Variants in TXNDC9 observed in about 807,000 individuals in gnomAD.
TXNDC9 encodes thioredoxin domain-containing protein 9.
Under a neutral mutation model 23.0 loss-of-function variants are expected in TXNDC9, and 7 were observed. The ratio of observed to expected loss-of-function variants is 0.30; its 90% confidence interval spans 0.17 to 0.57. The LOEUF (loss-of-function observed/expected upper bound fraction) is 0.57. Ranked by LOEUF, TXNDC9 falls within the 20% of genes least tolerant of loss-of-function variation. The probability of loss-of-function intolerance (pLI) is 0.90; values close to 1 mark genes in which losing one functional copy is unlikely to be tolerated. For missense variants in TXNDC9, 198 were observed against 252.6 expected, an observed-to-expected ratio of 0.78 and a Z score of 1.47; for synonymous variants, 72 against 90.6, an observed-to-expected ratio of 0.79 and a Z score of 1.17.
downstream of TXNDC9, among the ~76,000 whole-genome samples, chr2:99,315,578 C>A (rs12619366): frequency 6.6e-6 from 1 of 152,172 alleles, no homozygotes; most frequent in Non-Finnish European, 1.5e-5. Context: ...ATCAACAAGG[C>A]TTTGTGTAAC....
At chr2:99,315,894 G>C (rs148188111), downstream of TXNDC9, among the ~76,000 whole-genome samples, 288 of 152,188 alleles carry the variant, frequency 1.9e-3, 3 homozygotes, top group African/African-American at 6.6e-3. Flanking sequence ...ATCCGAGTGA[G>C]TACTCCAAAT....
At chr2:99,312,574 G>A in the TXNDC9 span, among the ~76,000 whole-genome samples, 1 of 151,696 alleles carries the variant, frequency 6.6e-6, no homozygotes, top group Middle Eastern at 3.4e-3. Context: ...TAATTAGAGA[G>A]GTGGCACTAC....
chr2:99,311,182 C>T, the TXNDC9 span, among the ~76,000 whole-genome samples: 1 of 152,216 alleles, frequency 6.6e-6, no homozygotes, highest in African/African-American at 2.4e-5. Flanking sequence ...TGTGCCACCA[C>T]ACTGGGCTAA....
chr2:99,333,390 A>T, intron 1 of TXNDC9, 148 bp from the exon 2 acceptor site: 1 of 634,410 alleles, frequency 1.6e-6, no homozygotes, highest in East Asian at 2.9e-5. Flanking sequence ...TGGGCTTAAC[A>T]ATTTTTATGT....
At chr2:99,328,395 C>T (rs990362097) in intron 2 of TXNDC9, among the ~76,000 whole-genome samples, 7 of 151,968 alleles carry the variant, frequency 4.6e-5, no homozygotes, top group Admixed American at 3.3e-4. Context: ...AGCCACTGTG[C>T]CTGGCTGAAG....
the TXNDC9 span, chr2:99,306,750 AC>A: frequency 2.2e-6 from 1 of 450,350 alleles, no homozygotes; most frequent in African/African-American, 2.1e-5. Flanking sequence ...GTGGTTCAGA[AC>A]AGGGGCCAGC....
intron 3 of TXNDC9, among the ~76,000 whole-genome samples, chr2:99,325,750 C>T (rs995621388): frequency 6.6e-6 from 1 of 152,122 alleles, no homozygotes; most frequent in Admixed American, 6.5e-5. Flanking sequence ...GTGGCTCATA[C>T]TTGTAATCCC....
intron 3 of TXNDC9, among the ~76,000 whole-genome samples, chr2:99,324,386 C>T (rs1374533628): frequency 4.6e-5 from 7 of 152,174 alleles, no homozygotes; most frequent in Admixed American, 2.0e-4. Context: ...ACTTTTTCCC[C>T]GGATATGTTT....
intron 1 of TXNDC9, among the ~76,000 whole-genome samples, chr2:99,333,587 G>C (rs1451944051): frequency 6.6e-6 from 1 of 152,178 alleles, no homozygotes; most frequent in Non-Finnish European, 1.5e-5. Context: ...CTGACAATCA[G>C]TGTTCTTTAC....
downstream of TXNDC9, among the ~76,000 whole-genome samples, chr2:99,314,107 G>A (rs181666435): frequency 2.0e-5 from 3 of 152,148 alleles, no homozygotes; most frequent in Admixed American, 1.3e-4. Context: ...ATTGCTCTGC[G>A]GAATTTCTCT....
chr2:99,335,422 T>C (rs1306572549), intron 1 of TXNDC9, among the ~76,000 whole-genome samples: 1 of 152,260 alleles, frequency 6.6e-6, no homozygotes, highest in East Asian at 1.9e-4. Flanking sequence ...TATTTAACGT[T>C]GAATGAACAC....
chr2:99,336,006 G>A (rs1445735528), intron 1 of TXNDC9, among the ~76,000 whole-genome samples: 4 of 152,166 alleles, frequency 2.6e-5, no homozygotes, highest in Non-Finnish European at 5.9e-5. Context: ...TGAACCCCAG[G>A]TACCTCCCCA....
intron 3 of TXNDC9, among the ~76,000 whole-genome samples, chr2:99,327,037 GTTCT>G (rs1013720437): frequency 2.0e-4 from 30 of 152,214 alleles, no homozygotes; most frequent in Admixed American, 1.8e-3. Context: ...GCATGTAACT[GTTCT>G]TTAAGTTACT....
intron 2 of TXNDC9, among the ~76,000 whole-genome samples, chr2:99,328,262 A>T (rs1391936162): frequency 1.2e-4 from 17 of 138,092 alleles, no homozygotes; most frequent in Non-Finnish European, 2.2e-4. Flanking sequence ...CACGCCTGGC[A>T]TTTTTTTTTT....
intron 1 of TXNDC9, among the ~76,000 whole-genome samples, 167 bp downstream of exon 1, chr2:99,336,072 T>C (rs2094239128): frequency 6.6e-6 from 1 of 152,202 alleles, no homozygotes; most frequent in African/African-American, 2.4e-5. Context: ...ACAGTCCCGG[T>C]GGCCCCAACT....
At chr2:99,331,967 T>C (rs896598760) in intron 2 of TXNDC9, among the ~76,000 whole-genome samples, 4 of 152,064 alleles carry the variant, frequency 2.6e-5, no homozygotes, top group African/African-American at 7.2e-5. Context: ...CGACCTCAGG[T>C]TGTCCGCTCA....
In TXNDC9 at chr2:99,322,055, G is replaced by A; in HGVS notation, c.463C>T (p.Gln155Ter). 1 of 1,614,094 alleles carries A rather than the reference G, an allele frequency of 6.2e-7. No individual in the cohort carries two copies. Among genetic ancestry groups the A allele is most frequent in the Non-Finnish European group, 8.5e-7 (1 of 1,180,000 alleles). The change falls in exon 4 of 5, where the codon CAA becomes TAA. Residue 155 changes from glutamine to a stop codon, truncating the protein, a stop_gained. Coordinates refer to ENST00000264255, the MANE Select transcript of TXNDC9 (RefSeq NM_005783.4). LOFTEE classifies it high-confidence loss of function. ...TCAGTAAACCCAACAACATAATCTT[G>A]TGTTTTCCCATCTTTTAGCAGTGCT... ...TLALLKDGKT[Q>*]DYVVGFTDLG...
intron 1 of TXNDC9, among the ~76,000 whole-genome samples, chr2:99,333,942 T>G (rs2094231926): frequency 1.3e-5 from 2 of 152,218 alleles, no homozygotes; most frequent in Admixed American, 1.3e-4. Context: ...CTTTTCTAAA[T>G]TTTGGGTTTT....
intron 3 of TXNDC9, chr2:99,322,465 A>G: frequency 3.8e-6 from 5 of 1,314,016 alleles, no homozygotes; most frequent in Non-Finnish European, 4.1e-6. Flanking sequence ...AATATTAAAT[A>G]TATGCTTTAA....
Sources: gnomAD v4.1 joint callset for allele counts (sites outside exome capture counted in the v4.1 genomes callset) on GRCh38, gnomAD v4.1.1 for gene constraint, MANE v1.5 for transcripts, NCBI Gene and HGNC (gene_info 2026-07-23, HGNC 2026-07-21) for gene names.